PCDHA2: variants seen among roughly 807,000 people sequenced by gnomAD.
PCDHA2 encodes the protein protocadherin alpha 2.
In PCDHA2, 58 loss-of-function variants were observed where a neutral mutation model predicts 66.0. The observed-to-expected ratio is 0.88, with a 90% CI of 0.71 to 1.09. The LOEUF (loss-of-function observed/expected upper bound fraction) is 1.09. Ranked by LOEUF, PCDHA2 falls within the 50% of genes least tolerant of loss-of-function variation. PCDHA2 has a pLI of 0.00. For synonymous variants in PCDHA2, 634 were observed against 554.0 expected (o/e 1.14, Z -2.03); for missense variants, 1,267 against 1,242.3 (o/e 1.02, Z -0.30).
At position 140,863,955 on chromosome 5, in the gene PCDHA2, T is replaced by C. The variant is rs181544244; in HGVS notation, c.2388+66603T>C. 570 of 158,126 alleles carry C rather than the reference T, an allele frequency of 3.6e-3. 3 individuals carry two copies. The highest frequency in any genetic ancestry group is 0.014 in the Middle Eastern group (4 of 294). The allele number at this position is 158,126 out of a possible 1,614,324, so 9.8% of individuals were successfully genotyped here. ...GGCAGAGGTTGCGGTGAGCCTAGAT[T>C]AGGCCACTGCACTACAGCCTGGGAG... is the stretch of plus-strand genomic sequence containing the variant. On this transcript the variant is annotated intron_variant, in intron 1 of 3. Coordinates refer to ENST00000526136, the MANE Select transcript of PCDHA2 (RefSeq NM_018905.3).
intron 1 of PCDHA2, among the ~76,000 whole-genome samples, chr5:140,897,549 T>C (rs1356591020): frequency 2.6e-5 from 4 of 152,140 alleles, no homozygotes; most frequent in African/African-American, 7.2e-5. Flanking sequence ...TAGTCTTCCA[T>C]GGTGTATATG....
At chr5:140,942,851 G>T (rs1211748532) in intron 1 of PCDHA2, among the ~76,000 whole-genome samples, 2 of 151,980 alleles carry the variant, frequency 1.3e-5, no homozygotes, top group Non-Finnish European at 2.9e-5. Flanking sequence ...CCAGTAAGAT[G>T]ATTATTTTGC....
intron 1 of PCDHA2, chr5:140,869,090 C>G (rs150845602): frequency 1.3e-6 from 2 of 1,589,674 alleles, no homozygotes; most frequent in African/African-American, 1.4e-5. Context: ...TTTTGGAAGC[C>G]AATTTCGTAT....
At chr5:140,850,455 C>T (rs2150484906) in intron 1 of PCDHA2, 1 of 1,597,620 alleles carries the variant, frequency 6.3e-7, no homozygotes, top group Admixed American at 1.7e-5. Context: ...GGTGAAAGAC[C>T]ACGGGGAGCC....
At chr5:140,969,161 G>A (rs782498682) in intron 1 of PCDHA2, 1 of 1,614,156 alleles carries the variant, frequency 6.2e-7, no homozygotes, top group South Asian at 1.1e-5. Context: ...CTGTCTGACA[G>A]CAGGCTCAGG....
intron 1 of PCDHA2, chr5:140,850,087 T>A (rs2150466351): frequency 6.3e-7 from 1 of 1,596,398 alleles, no homozygotes; most frequent in East Asian, 2.2e-5. Context: ...CTGGAGCTGC[T>A]ACAGTTCCAG....
At position 140,982,295 on chromosome 5, in the gene PCDHA2, G is replaced by A. The variant is rs1047633434; in HGVS notation, c.2448-180G>A. ...AGTATAGCAGGCAATAAGTAAGTCA[G>A]CAATGCTTCTGCAGTTTATGCAGGG... On this transcript the variant is annotated intron_variant, in intron 2 of 3. Coordinates refer to ENST00000526136, the MANE Select transcript of PCDHA2 (RefSeq NM_018905.3). The A allele has an allele frequency of 3.4e-6, 4 of 1,160,172 alleles. No homozygotes were observed. In the Admixed American group the frequency reaches 8.4e-5, roughly 25 times the overall value. 71.9% of individuals were successfully genotyped at this position (1,160,172 alleles called of 1,614,324 possible).
At chr5:140,829,894 A>C (rs201316180) in intron 1 of PCDHA2, 21 of 1,613,840 alleles carry the variant, frequency 1.3e-5, no homozygotes, top group Non-Finnish European at 1.7e-5. Context: ...ACGCCGACTC[A>C]GGCTACAACG....
At chr5:140,957,556 A>G (rs1364343526) in intron 1 of PCDHA2, among the ~76,000 whole-genome samples, 1 of 152,150 alleles carries the variant, frequency 6.6e-6, no homozygotes, top group African/African-American at 2.4e-5. Flanking sequence ...TCTCTGTGGA[A>G]AAGGAGGGAC....
intron 1 of PCDHA2, chr5:140,852,843 A>G (rs2042491535): frequency 1.0e-6 from 1 of 969,432 alleles, no homozygotes; most frequent in Non-Finnish European, 1.2e-6. Context: ...TAGAGCTAGT[A>G]CTTACTAAGC....
chr5:140,806,759 C>G (rs544027131), intron 1 of PCDHA2, among the ~76,000 whole-genome samples: 1 of 152,074 alleles, frequency 6.6e-6, no homozygotes, highest in Non-Finnish European at 1.5e-5. Context: ...ATAGTTAGGT[C>G]TCTGTAATAC....
chr5:140,985,338 A>G (rs2153836548), intron 3 of PCDHA2, among the ~76,000 whole-genome samples: 1 of 152,280 alleles, frequency 6.6e-6, no homozygotes, highest in South Asian at 2.1e-4. Flanking sequence ...TCTCATTTGC[A>G]GGCCCAGATA....
intron 1 of PCDHA2, among the ~76,000 whole-genome samples, chr5:140,906,871 A>G (rs953788729): frequency 6.6e-6 from 1 of 152,184 alleles, no homozygotes; most frequent in African/African-American, 2.4e-5. Flanking sequence ...CCCAGCCAAC[A>G]CTGTAACTTC....
chr5:140,889,032 AT>A (rs1357652460), intron 1 of PCDHA2, among the ~76,000 whole-genome samples: 12 of 152,198 alleles, frequency 7.9e-5, no homozygotes, highest in South Asian at 6.2e-4. Context: ...GATAACCGTA[AT>A]TTGATTATAA....
intron 1 of PCDHA2, chr5:140,968,987 T>C: frequency 6.2e-7 from 1 of 1,614,224 alleles, no homozygotes; most frequent in Non-Finnish European, 8.5e-7. Context: ...TGGCACTGCA[T>C]GCTGTGGAGG....
chr5:140,868,879 C>T (rs1247053599), intron 1 of PCDHA2: 1 of 693,900 alleles, frequency 1.4e-6, no homozygotes, highest in Non-Finnish European at 2.3e-6. Context: ...ACAGTACTCA[C>T]AGTTTTAGGC....
chr5:140,998,826 AGTGCTGGATTACTG>A (rs1301277298), intron 3 of PCDHA2, among the ~76,000 whole-genome samples: 1 of 152,240 alleles, frequency 6.6e-6, no homozygotes, highest in Non-Finnish European at 1.5e-5. Flanking sequence ...GGCCTCCCAA[AGTGCTGGATTACTG>A]GTGTGAGCCA....
intron 1 of PCDHA2, among the ~76,000 whole-genome samples, chr5:140,840,345 T>C (rs2150306031): frequency 3.9e-5 from 6 of 151,972 alleles, no homozygotes; most frequent in Non-Finnish European, 7.4e-5. Flanking sequence ...TGTTAGGGTA[T>C]ACAGGTAAAA....
chr5:140,875,356 G>A (rs2055432006), intron 1 of PCDHA2: 4 of 1,446,352 alleles, frequency 2.8e-6, no homozygotes, highest in East Asian at 2.5e-5. Context: ...TGACTGTGAT[G>A]CTGGAAAAAA....
Sources: gnomAD v4.1 joint callset for allele counts (sites outside exome capture counted in the v4.1 genomes callset) on GRCh38, gnomAD v4.1.1 for gene constraint, MANE v1.5 for transcripts, NCBI Gene and HGNC (gene_info 2026-07-23, HGNC 2026-07-21) for gene names.